Variants in TSPAN7 observed in about 807,000 individuals in gnomAD.
The protein encoded by TSPAN7 is tetraspanin 7.
A neutral mutation model predicts 17.6 loss-of-function variants in TSPAN7; 1 was observed. The ratio of observed to expected loss-of-function variants is 0.06; its 90% CI spans 0.02 to 0.27. TSPAN7 has a LOEUF of 0.27. Among genes scored for constraint, TSPAN7 ranks in the 10% least tolerant of loss-of-function variants. TSPAN7 has a pLI of 1.00. For missense variants in TSPAN7, 112 were observed against 201.7 expected (o/e 0.56, Z 2.69); for synonymous variants, 78 against 79.0 (o/e 0.99, Z 0.07).
intron 1 of TSPAN7, among the ~76,000 whole-genome samples, chrX:38,624,703 C>A (rs1337829992): frequency 1.8e-5 from 2 of 112,546 alleles, no homozygotes; most frequent in Non-Finnish European, 3.8e-5. Flanking sequence ...GTATCTTGCT[C>A]CCTTGAATTA....
chrX:38,675,913 C>T (rs2069850945), intron 5 of TSPAN7, 53 bp downstream of exon 5: 1 of 1,153,464 alleles, frequency 8.7e-7, no homozygotes, highest in Non-Finnish European at 1.2e-6. Flanking sequence ...TTTGGGGGGG[C>T]TTTTTTATTT....
intron 1 of TSPAN7, among the ~76,000 whole-genome samples, chrX:38,601,895 T>C (rs2069349068): frequency 9.0e-6 from 1 of 111,389 alleles, no homozygotes; most frequent in African/African-American, 3.3e-5. Flanking sequence ...GAGGCCAGCC[T>C]AAGCTTTTCA....
intron 1 of TSPAN7, among the ~76,000 whole-genome samples, chrX:38,645,438 C>T (rs780754026): frequency 8.9e-6 from 1 of 111,974 alleles, no homozygotes; most frequent in East Asian, 2.8e-4. Context: ...ACCTGTAGTC[C>T]CAGCTACTTG....
chrX:38,622,080 G>A (rs1452665863), intron 1 of TSPAN7, among the ~76,000 whole-genome samples: 1 of 112,633 alleles, frequency 8.9e-6, no homozygotes, highest in African/African-American at 3.2e-5. Context: ...TCCCCGAGGT[G>A]AGTCAGAAAA....
chrX:38,629,552 T>A (rs1279857625), intron 1 of TSPAN7, among the ~76,000 whole-genome samples: 1 of 111,814 alleles, frequency 8.9e-6, no homozygotes, highest in Non-Finnish European at 1.9e-5. Flanking sequence ...AGTATTTATG[T>A]GGATGCATAC....
chrX:38,605,438 A>T (rs1417846410), intron 1 of TSPAN7, among the ~76,000 whole-genome samples: 5 of 111,476 alleles, frequency 4.5e-5, no homozygotes, highest in Non-Finnish European at 7.5e-5. Context: ...AGAACATTAT[A>T]TGCTCATGTG....
intron 1 of TSPAN7, chrX:38,622,831 C>T: frequency 3.1e-6 from 1 of 322,823 alleles, no homozygotes; most frequent in African/African-American, 2.6e-5. Context: ...TGATGTTGAT[C>T]ACGCACTAGT....
At chrX:38,624,189 A>G (rs1370063902) in intron 1 of TSPAN7, among the ~76,000 whole-genome samples, 1 of 111,319 alleles carries the variant, frequency 9.0e-6, no homozygotes, top group East Asian at 2.9e-4. Flanking sequence ...GGCACAACCA[A>G]ATAATGTATG....
chrX:38,572,366 G>A (rs772607331), intron 1 of TSPAN7, among the ~76,000 whole-genome samples: 2 of 111,535 alleles, frequency 1.8e-5, no homozygotes, highest in Non-Finnish European at 3.8e-5. Context: ...TTCCAGAAGT[G>A]TGTTCCTGAA....
intron 1 of TSPAN7, among the ~76,000 whole-genome samples, chrX:38,565,386 C>T (rs1400725164): frequency 3.6e-5 from 4 of 111,369 alleles, no homozygotes; most frequent in Admixed American, 9.5e-5. Flanking sequence ...TGTGCCACCA[C>T]GCCCGGCTAA....
Position 38,681,852 on chromosome X carries a change from C to G in TSPAN7, c.681+565C>G, listed in dbSNP as rs186965023. Among the ~76,000 whole-genome samples the G allele has an allele frequency of 1.8e-4, 20 of 111,865 alleles. No homozygotes were observed. In the East Asian group the frequency reaches 3.9e-3, roughly 22 times the overall value. Reference sequence around the variant, plus strand: ...TGTATTAAATTTTATATCCCTTTATCTGTACCTACCCTCAAAAAAAACAAT... The same window carrying G: ...TGTATTAAATTTTATATCCCTTTATGTGTACCTACCCTCAAAAAAAACAAT... On this transcript the variant is annotated intron_variant, in intron 6 of 7. Coordinates refer to ENST00000378482, the MANE Select transcript of TSPAN7 (RefSeq NM_004615.4).
chrX:38,564,524 A>G (rs1383512849), intron 1 of TSPAN7, among the ~76,000 whole-genome samples: 1 of 112,149 alleles, frequency 8.9e-6, no homozygotes, highest in Non-Finnish European at 1.9e-5. Flanking sequence ...TTGCTAGGTC[A>G]CATGGTAATT....
intron 2 of TSPAN7, among the ~76,000 whole-genome samples, chrX:38,670,932 G>A (rs778261738): frequency 8.0e-5 from 9 of 112,294 alleles, no homozygotes; most frequent in East Asian, 2.8e-4. Context: ...GGAATGGGCC[G>A]CAGGGAATTG....
At chrX:38,671,250 T>C in intron 2 of TSPAN7, 126 bp from the exon 3 acceptor site, 1 of 659,226 alleles carries the variant, frequency 1.5e-6, no homozygotes, top group Non-Finnish European at 2.5e-6. Flanking sequence ...TATATTTTTT[T>C]CTAAACTTTG....
intron 1 of TSPAN7, among the ~76,000 whole-genome samples, chrX:38,596,314 C>T (rs765635996): frequency 4.5e-4 from 50 of 111,148 alleles, no homozygotes; most frequent in Non-Finnish European, 8.3e-4. Context: ...AAAATACTCC[C>T]AAACCTGAGA....
rs181728372 is a variant in TSPAN7 at position 38,576,439 on chromosome X, T to C, written c.81+14812T>C. ...GAGTTAGTATGAACACTGTAAAATA[T>C]CTCATTTTTTACATTAATTGCATGT... On this transcript the variant is annotated intron_variant, in intron 1 of 7. Transcript: ENST00000378482. Among the ~76,000 whole-genome samples, 23 of 112,504 alleles carry C rather than the reference T, an allele frequency of 2.0e-4. 1 individual carries two copies. Among genetic ancestry groups the C allele is most frequent in the Admixed American group, 2.0e-3 (21 of 10,631 alleles).
chrX:38,669,484 C>T (rs772962154), intron 2 of TSPAN7, among the ~76,000 whole-genome samples: 4 of 111,697 alleles, frequency 3.6e-5, no homozygotes, highest in Non-Finnish European at 7.5e-5. Context: ...CCAATGTTTA[C>T]ATTTGGGAAA....
intron 1 of TSPAN7, among the ~76,000 whole-genome samples, chrX:38,633,072 G>A (rs1029160154): frequency 1.8e-5 from 2 of 112,185 alleles, no homozygotes; most frequent in Non-Finnish European, 3.8e-5. Flanking sequence ...ATGTCTTGTT[G>A]AAACTTCTTT....
At chrX:38,638,610 T>C (rs2069594986) in intron 1 of TSPAN7, among the ~76,000 whole-genome samples, 1 of 111,393 alleles carries the variant, frequency 9.0e-6, no homozygotes, top group South Asian at 3.8e-4. Context: ...CAGCTTGCCT[T>C]TAAAGTTGGG....
Sources: allele counts gnomAD v4.1 joint callset (sites outside exome capture counted in the v4.1 genomes callset), GRCh38; gene constraint gnomAD v4.1.1; transcripts MANE v1.5; gene names NCBI Gene and HGNC (gene_info 2026-07-23, HGNC 2026-07-21).